CCDC18: variants seen among roughly 807,000 people sequenced by gnomAD.
CCDC18 encodes the protein coiled-coil domain-containing protein 18.
In CCDC18, 157 loss-of-function variants were observed where a neutral mutation model predicts 196.0. The ratio of observed to expected loss-of-function variants is 0.80; its 90% confidence interval spans 0.70 to 0.91. The LOEUF (loss-of-function observed/expected upper bound fraction) is 0.91. Ranked by LOEUF, CCDC18 falls within the 40% of genes least tolerant of loss-of-function variation. The probability of loss-of-function intolerance (pLI) is 0.00; values close to 1 mark genes in which losing one functional copy is unlikely to be tolerated. For missense variants in CCDC18, 1,465 were observed against 1,611.6 expected (o/e 0.91, Z 1.56); for synonymous variants, 482 against 529.2 (o/e 0.91, Z 1.22).
chr1:93,240,905 C>T (rs955689431), intron 21 of CCDC18, among the ~76,000 whole-genome samples: 4 of 152,260 alleles, frequency 2.6e-5, no homozygotes, highest in East Asian at 3.9e-4. Context: ...CTTGTTCTCT[C>T]TTTCCATCCC....
At chr1:93,233,853 T>C (rs1276039640) in intron 18 of CCDC18, among the ~76,000 whole-genome samples, 2 of 152,154 alleles carry the variant, frequency 1.3e-5, no homozygotes, top group Non-Finnish European at 1.5e-5. Context: ...CACTTGGGCC[T>C]CCCAAAGTGC....
intron 17 of CCDC18, 28 bp from the exon 18 acceptor site, chr1:93,232,398 T>C (rs1659368882): frequency 7.4e-7 from 1 of 1,352,940 alleles, no homozygotes; most frequent in Non-Finnish European, 1.0e-6. Flanking sequence ...TTGCATTGTA[T>C]TGAGAGATAT....
Position 93,244,833 on chromosome 1 carries a change from C to T in CCDC18, c.2982-1272C>T, listed in dbSNP as rs781327350. Among the ~76,000 whole-genome samples, 175 of 152,244 alleles carry T rather than the reference C, an allele frequency of 1.1e-3. 1 individual carries two copies. Among genetic ancestry groups the T allele is most frequent in the Non-Finnish European group, 3.2e-4 (22 of 68,022 alleles). On this transcript the variant is annotated intron_variant, in intron 21 of 28. Coordinates refer to ENST00000690025, the MANE Select transcript of CCDC18 (RefSeq NM_001378204.1). ...ACATTTTTCTTATACTTTACACTTA[C>T]CAAGTTTTCTTCTACCATGGAACCT...
intron 14 of CCDC18, among the ~76,000 whole-genome samples, chr1:93,218,354 T>C (rs1656837714): frequency 6.6e-6 from 1 of 152,174 alleles, no homozygotes; most frequent in African/African-American, 2.4e-5. Flanking sequence ...TATACATACA[T>C]ACCTATTATA....
chr1:93,227,944 C>T (rs1269644209), intron 17 of CCDC18, among the ~76,000 whole-genome samples: 3 of 130,900 alleles, frequency 2.3e-5, no homozygotes, highest in Non-Finnish European at 3.1e-5. Flanking sequence ...GGCAGCACAG[C>T]GAGACCCTAT....
chr1:93,208,909 C>G (rs1655163018), intron 9 of CCDC18, among the ~76,000 whole-genome samples: 2 of 152,052 alleles, frequency 1.3e-5, no homozygotes, highest in African/African-American at 4.8e-5. Flanking sequence ...CGTGATCCCC[C>G]TGCCTTGGCC....
chr1:93,203,536 G>C (rs1654203600), intron 7 of CCDC18, among the ~76,000 whole-genome samples: 1 of 152,150 alleles, frequency 6.6e-6, no homozygotes, highest in Admixed American at 6.5e-5. Context: ...AGGTAGATTA[G>C]CTTTTGAAAG....
At position 93,258,837 on chromosome 1, in the gene CCDC18, GA is replaced by G; in HGVS notation, c.3639del (p.Lys1213AsnfsTer6). On this transcript the variant is annotated frameshift_variant, in exon 26 of 29. Coordinates refer to ENST00000690025, the MANE Select transcript of CCDC18 (RefSeq NM_001378204.1). LOFTEE classifies it high-confidence loss of function. ...LEARMQAEIK[K>X]LSAEVESLKE... ...AAGCAAGAATGCAAGCAGAAATCAAGAAATTGTCAGCAGAAGTAGAATCTCT... is the reference window on the plus strand; with the variant it reads ...AAGCAAGAATGCAAGCAGAAATCAAGAATTGTCAGCAGAAGTAGAATCTCT... The G allele has an allele frequency of 1.1e-5, 18 of 1,601,130 alleles. No individual in the cohort carries two copies. The highest frequency in any genetic ancestry group is 1.4e-5 in the Non-Finnish European group (17 of 1,174,362).
At chr1:93,229,857 ACT>A (rs1474770163) in intron 17 of CCDC18, among the ~76,000 whole-genome samples, 2 of 152,160 alleles carry the variant, frequency 1.3e-5, no homozygotes, top group Non-Finnish European at 2.9e-5. Flanking sequence ...GATAAAAGAA[ACT>A]CAATACAAAG....
chr1:93,255,711 G>A (rs1408512385), intron 24 of CCDC18, among the ~76,000 whole-genome samples: 1 of 150,686 alleles, frequency 6.6e-6, no homozygotes, highest in Non-Finnish European at 1.5e-5. Context: ...CCTCCAATCT[G>A]GGCAACAGAG....
chr1:93,259,788 T>C (rs1168391241), intron 26 of CCDC18, among the ~76,000 whole-genome samples: 2 of 152,252 alleles, frequency 1.3e-5, no homozygotes, highest in Non-Finnish European at 2.9e-5. Flanking sequence ...ATAATTGTTA[T>C]TAACAGCTCA....
Position 93,246,095 on chromosome 1 carries a change from T to G in CCDC18, c.2982-10T>G. 6.4e-7 allele frequency: 1 copy of G among 1,561,828 alleles called. No individual in the cohort carries two copies. Among genetic ancestry groups the G allele is most frequent in the Non-Finnish European group, 8.7e-7 (1 of 1,150,382 alleles). On this transcript the variant is annotated splice_polypyrimidine_tract_variant and intron_variant, in intron 21 of 28. Coordinates refer to ENST00000690025, the MANE Select transcript of CCDC18 (RefSeq NM_001378204.1). ...ATCTGCTTTGATCTTTTTCCTTTGA[T>G]AAATTGTAGAGAATGCAAGATGGAG... is the stretch of plus-strand genomic sequence containing the variant.
intron 28 of CCDC18, among the ~76,000 whole-genome samples, chr1:93,277,689 T>C (rs1456258073): frequency 2.0e-5 from 3 of 151,858 alleles, no homozygotes; most frequent in Admixed American, 2.0e-4. Context: ...TGGAGTCTCC[T>C]ATGTCTACTT....
chr1:93,196,946 G>C (rs1027958542), intron 6 of CCDC18, among the ~76,000 whole-genome samples: 1 of 152,144 alleles, frequency 6.6e-6, no homozygotes, highest in African/African-American at 2.4e-5. Context: ...GGTGTTCATT[G>C]ACCATTGAAT....
intron 23 of CCDC18, among the ~76,000 whole-genome samples, chr1:93,251,339 T>C (rs1662227292): frequency 1.3e-5 from 2 of 152,236 alleles, no homozygotes. Flanking sequence ...TTAATAATTT[T>C]GCCTTTTAGT....
chr1:93,219,069 G>A (rs953816271), intron 14 of CCDC18, among the ~76,000 whole-genome samples: 8 of 152,114 alleles, frequency 5.3e-5, no homozygotes, highest in Non-Finnish European at 8.8e-5. Context: ...TGTTTCAGGG[G>A]ATCTTTGCTG....
intron 11 of CCDC18, among the ~76,000 whole-genome samples, chr1:93,214,515 C>T (rs1030438942): frequency 6.6e-6 from 1 of 152,110 alleles, no homozygotes; most frequent in African/African-American, 2.4e-5. Flanking sequence ...GTCTTAGCTA[C>T]CTAGAAAAAT....
At chr1:93,258,529 T>C (rs1663339626) in intron 25 of CCDC18, among the ~76,000 whole-genome samples, 2 of 152,182 alleles carry the variant, frequency 1.3e-5, no homozygotes, top group South Asian at 2.1e-4. Flanking sequence ...TTAGTGAACA[T>C]CTATTTTATG....
chr1:93,200,836 G>A (rs143148293), intron 6 of CCDC18, among the ~76,000 whole-genome samples: 83 of 152,316 alleles, frequency 5.4e-4, no homozygotes, highest in Admixed American at 1.2e-3. Flanking sequence ...GATAAGTCTG[G>A]CTTGAAAAGA....
Sources: allele counts gnomAD v4.1 joint callset (sites outside exome capture counted in the v4.1 genomes callset), GRCh38; gene constraint gnomAD v4.1.1; transcripts MANE v1.5; gene names NCBI Gene and HGNC (gene_info 2026-07-23, HGNC 2026-07-21).